Variants in ADGRE1 observed in about 807,000 individuals in gnomAD.
ADGRE1 encodes the protein adhesion G protein-coupled receptor E1.
ADGRE1 carries 82 observed loss-of-function variants against 102.7 expected under a neutral mutation model. That is an observed-to-expected ratio of 0.80 (90% CI 0.67 to 0.96). The LOEUF (loss-of-function observed/expected upper bound fraction) is 0.96. Ranked by LOEUF, ADGRE1 falls within the 40% of genes least tolerant of loss-of-function variation. ADGRE1 has a pLI of 0.00. For synonymous variants in ADGRE1, 398 were observed against 399.6 expected (o/e 1.00, Z 0.05); for missense variants, 1,032 against 1,085.3 (o/e 0.95, Z 0.69).
chr19:6,908,822 C>A, intron 10 of ADGRE1, 50 bp downstream of exon 10: 1 of 1,555,196 alleles, frequency 6.4e-7, no homozygotes, highest in South Asian at 1.2e-5. Flanking sequence ...ACATCTTGGG[C>A]ACACTTTGGG....
In ADGRE1 at chr19:6,913,823, A is replaced by G. The variant is rs1285284055; in HGVS notation, c.1293A>G (p.Glu431=). 1.3e-6 allele frequency: 2 copies of G among 1,589,980 alleles called. No homozygotes were observed. Among genetic ancestry groups the G allele is most frequent in the Admixed American group, 1.7e-5 (1 of 57,836 alleles). The change falls in exon 11 of 21, where the codon GAA becomes GAG. Residue 431 remains glutamate, a synonymous_variant. Transcript: ENST00000312053. ...SANITPAVRT[E]YLDIESKVIN... is the part of the protein sequence containing the mutation. ...ATATCACTCCGGCTGTTCGGACGGA[A>G]TACTTAGGTAGGAGACACCCTTTGT...
intron 15 of ADGRE1, 46 bp downstream of exon 15, chr19:6,924,918 C>G (rs746034852): frequency 3.1e-6 from 5 of 1,593,484 alleles, no homozygotes; most frequent in Non-Finnish European, 4.3e-6. Flanking sequence ...CATCTTCTCC[C>G]CACCTGCCTC....
Position 6,918,346 on chromosome 19 carries a change from C to T in ADGRE1, c.1421-1202C>T, listed in dbSNP as rs568929148. Among the ~76,000 whole-genome samples, 17 of 151,994 alleles carry T rather than the reference C, an allele frequency of 1.1e-4. 1 individual carries two copies. Among genetic ancestry groups the T allele is most frequent in the Admixed American group, 7.2e-4 (11 of 15,262 alleles). ...ATCCCAGCTACTCGGGAGGCTGAGGCAGGAGAATCGCTTGAACCCGGAAGG... is the reference window on the plus strand; with the variant it reads ...ATCCCAGCTACTCGGGAGGCTGAGGTAGGAGAATCGCTTGAACCCGGAAGG... On this transcript the variant is annotated intron_variant, in intron 12 of 20. Coordinates refer to ENST00000312053, the MANE Select transcript of ADGRE1 (RefSeq NM_001974.5).
chr19:6,887,822 T>C (rs372160834), intron 1 of ADGRE1, among the ~76,000 whole-genome samples, 183 bp downstream of exon 1: 1 of 152,224 alleles, frequency 6.6e-6, no homozygotes, highest in African/African-American at 2.4e-5. Flanking sequence ...TCTGTTAGGA[T>C]AGATTTTTCT....
intron 10 of ADGRE1, among the ~76,000 whole-genome samples, chr19:6,909,466 T>C (rs1289580835): frequency 6.6e-6 from 1 of 152,178 alleles, no homozygotes; most frequent in Non-Finnish European, 1.5e-5. Flanking sequence ...TGAAACCACA[T>C]AGTATGTGGT....
At position 6,915,999 on chromosome 19, in the gene ADGRE1, A is replaced by T. The variant is rs637908; in HGVS notation, c.1301-250A>T. Reference sequence around the variant, plus strand: ...TTCCATCACTGTTGACTTTGACCCCATCTTTCCCTGATGCACCCCCTAGGA... The same window carrying T: ...TTCCATCACTGTTGACTTTGACCCCTTCTTTCCCTGATGCACCCCCTAGGA... On this transcript the variant is annotated intron_variant, in intron 11 of 20. Coordinates refer to ENST00000312053, the MANE Select transcript of ADGRE1 (RefSeq NM_001974.5). Among the ~76,000 whole-genome samples, 67,350 of 149,694 alleles carry T rather than the reference A, an allele frequency of 0.45. 18,150 individuals are homozygous for T. The highest frequency in any genetic ancestry group is 0.77 in the East Asian group (3,911 of 5,086).
chr19:6,918,834 C>T (rs113228198), intron 12 of ADGRE1, among the ~76,000 whole-genome samples: 19 of 152,112 alleles, frequency 1.2e-4, no homozygotes, highest in African/African-American at 4.1e-4. Context: ...AAGCGATTGT[C>T]GTACCTCGGC....
chr19:6,921,654 A>G, intron 13 of ADGRE1, 59 bp from the exon 14 acceptor site: 8 of 1,487,768 alleles, frequency 5.4e-6, no homozygotes, highest in Non-Finnish European at 7.2e-6. Flanking sequence ...GTCACATTTA[A>G]TCCATTTGAT....
At chr19:6,931,784 G>A (rs1453600079) in intron 17 of ADGRE1, among the ~76,000 whole-genome samples, 1 of 146,254 alleles carries the variant, frequency 6.8e-6, no homozygotes, top group Non-Finnish European at 1.5e-5. Context: ...GGTGACAGAG[G>A]GAGACTGTCT....
intron 1 of ADGRE1, among the ~76,000 whole-genome samples, chr19:6,888,511 T>C (rs1291977586): frequency 2.0e-5 from 3 of 152,190 alleles, no homozygotes; most frequent in Non-Finnish European, 4.4e-5. Context: ...TGGGGACATA[T>C]TCTAAGTAGC....
At chr19:6,921,001 T>C (rs548261531) in intron 13 of ADGRE1, among the ~76,000 whole-genome samples, 1 of 152,266 alleles carries the variant, frequency 6.6e-6, no homozygotes, top group African/African-American at 2.4e-5. Flanking sequence ...ACACGTTGAA[T>C]GAGGCTGGGT....
intron 5 of ADGRE1, among the ~76,000 whole-genome samples, chr19:6,901,226 C>A (rs1169317826): frequency 6.6e-6 from 1 of 152,218 alleles, no homozygotes; most frequent in African/African-American, 2.4e-5. Flanking sequence ...GGAATGCAGT[C>A]CTCAGCTGTA....
chr19:6,900,340 C>T (rs1394558831), intron 5 of ADGRE1, among the ~76,000 whole-genome samples: 1 of 151,538 alleles, frequency 6.6e-6, no homozygotes, highest in Non-Finnish European at 1.5e-5. Flanking sequence ...AGAAAATTAG[C>T]CAAGTGTGGT....
intron 20 of ADGRE1, among the ~76,000 whole-genome samples, chr19:6,939,332 T>A (rs1304851456): frequency 2.6e-5 from 4 of 152,188 alleles, no homozygotes; most frequent in African/African-American, 9.7e-5. Flanking sequence ...AATTTCCCAT[T>A]ATCCCACCAC....
chr19:6,927,349 G>A (rs1028415351), intron 16 of ADGRE1, among the ~76,000 whole-genome samples: 5 of 125,382 alleles, frequency 4.0e-5, no homozygotes, highest in Admixed American at 9.2e-5. Context: ...TCCTTTCTTC[G>A]AATAAACAAT....
At chr19:6,930,714 T>C (rs1208458096) in intron 17 of ADGRE1, among the ~76,000 whole-genome samples, 1 of 152,198 alleles carries the variant, frequency 6.6e-6, no homozygotes, top group Non-Finnish European at 1.5e-5. Flanking sequence ...CTCAGCTCAT[T>C]GCAGTCTCTG....
At chr19:6,937,823 A>AATCCC (rs1975490001) in intron 20 of ADGRE1, among the ~76,000 whole-genome samples, 175 bp downstream of exon 20, 1 of 152,084 alleles carries the variant, frequency 6.6e-6, no homozygotes, top group Non-Finnish European at 1.5e-5. Context: ...ATATTAGCAG[A>AATCCC]CACACACACA....
At chr19:6,916,129 G>A (rs1974370698) in intron 11 of ADGRE1, 120 bp from the exon 12 acceptor site, 2 of 1,134,554 alleles carry the variant, frequency 1.8e-6, no homozygotes, top group Non-Finnish European at 1.2e-6. Flanking sequence ...ATGATGAATT[G>A]AACTTTCTAT....
chr19:6,928,893 T>C (rs961423917), intron 17 of ADGRE1, among the ~76,000 whole-genome samples: 3 of 151,198 alleles, frequency 2.0e-5, no homozygotes, highest in Non-Finnish European at 2.9e-5. Context: ...GAGCCGAGAT[T>C]GCGCCATTGC....
Sources: gnomAD v4.1 joint callset for allele counts (sites outside exome capture counted in the v4.1 genomes callset) on GRCh38, gnomAD v4.1.1 for gene constraint, MANE v1.5 for transcripts, NCBI Gene and HGNC (gene_info 2026-07-23, HGNC 2026-07-21) for gene names.